The following TLK2 variants were observed in gnomAD, a reference collection of about 807,000 sequenced individuals.
TLK2 encodes the protein tousled like kinase 2.
A neutral mutation model predicts 117.3 loss-of-function variants in TLK2; 6 were observed. The ratio of observed to expected loss-of-function variants is 0.05; its 90% CI spans 0.03 to 0.10. The LOEUF is 0.10. Ranked by LOEUF, TLK2 falls within the 10% of genes least tolerant of loss-of-function variation. TLK2 has a pLI of 1.00. For synonymous variants in TLK2, 257 were observed against 316.7 expected, an observed-to-expected ratio of 0.81 and a Z score of 2.00; for missense variants, 299 against 901.2, an observed-to-expected ratio of 0.33 and a Z score of 8.56.
In TLK2 at chr17:62,490,831, C is replaced by T. The variant is rs542768224; in HGVS notation, c.81+9625C>T. Among the ~76,000 whole-genome samples, 231 of 152,340 alleles carry T rather than the reference C, an allele frequency of 1.5e-3. 1 individual carries two copies. The highest frequency in any genetic ancestry group is 5.4e-3 in the African/African-American group (225 of 41,576). On this transcript the variant is annotated intron_variant, in intron 2 of 21. Coordinates refer to ENST00000346027, the MANE Select transcript of TLK2 (RefSeq NM_006852.6). ...TGCTGGGATTACAGGCATGAGCCAC[C>T]ATGCCTGGCCTAATTTCAAAAATTT...
intron 10 of TLK2, among the ~76,000 whole-genome samples, chr17:62,561,001 C>T (rs1451497507): frequency 2.0e-5 from 3 of 152,128 alleles, no homozygotes; most frequent in African/African-American, 4.8e-5. Context: ...CAACAGGCCC[C>T]GGTGTGTGAT....
intron 21 of TLK2, among the ~76,000 whole-genome samples, chr17:62,610,482 CAT>C (rs1425278652): frequency 1.3e-5 from 2 of 152,266 alleles, no homozygotes; most frequent in Middle Eastern, 3.4e-3. Flanking sequence ...GATGGTGACA[CAT>C]GTTATGAAGA....
chr17:62,590,283 A>C (rs1037989110), intron 16 of TLK2, among the ~76,000 whole-genome samples: 1 of 151,474 alleles, frequency 6.6e-6, no homozygotes, highest in African/African-American at 2.4e-5. Context: ...AATACAAAAA[A>C]AGTTAGCCAG....
At chr17:62,496,577 A>G (rs979724973) in intron 2 of TLK2, among the ~76,000 whole-genome samples, 4 of 152,170 alleles carry the variant, frequency 2.6e-5, no homozygotes, top group African/African-American at 9.7e-5. Flanking sequence ...ACTCTGTGAA[A>G]TGATAGGTAA....
chr17:62,511,129 A>G lies in TLK2; in HGVS notation c.82-9644A>G, dbSNP rs548542639. Among the ~76,000 whole-genome samples, 3 of 152,324 alleles carry G rather than the reference A, an allele frequency of 2.0e-5. No individual in the cohort carries two copies. In the East Asian group the frequency reaches 5.8e-4, roughly 29 times the overall value. Reference sequence around the variant, plus strand: ...ATCCATAGGACTAATTCACATTTCAAGTTATACATGAATCATTTGTGTGTG... The same window carrying G: ...ATCCATAGGACTAATTCACATTTCAGGTTATACATGAATCATTTGTGTGTG... On this transcript the variant is annotated intron_variant, in intron 2 of 21. Transcript: ENST00000346027.
At chr17:62,566,967 C>G (rs1425862473) in intron 11 of TLK2, among the ~76,000 whole-genome samples, 1 of 152,188 alleles carries the variant, frequency 6.6e-6, no homozygotes, top group Non-Finnish European at 1.5e-5. Flanking sequence ...GTGGCTCTTG[C>G]CTGTAATCCC....
At chr17:62,483,881 A>C (rs567718782) in intron 2 of TLK2, among the ~76,000 whole-genome samples, 2 of 152,140 alleles carry the variant, frequency 1.3e-5, no homozygotes, top group East Asian at 3.9e-4. Flanking sequence ...GCTGGAGTGC[A>C]GTAGCACAAT....
intron 2 of TLK2, among the ~76,000 whole-genome samples, chr17:62,492,742 A>G (rs1333187734): frequency 1.3e-5 from 2 of 152,114 alleles, no homozygotes; most frequent in African/African-American, 2.4e-5. Context: ...TACAGGCATG[A>G]GCCACTGCGC....
chr17:62,494,995 G>A (rs56198601), intron 2 of TLK2, among the ~76,000 whole-genome samples: 3 of 152,106 alleles, frequency 2.0e-5, no homozygotes, highest in Admixed American at 6.6e-5. Flanking sequence ...GTGAAACCCC[G>A]TCTTTACTAA....
intron 2 of TLK2, among the ~76,000 whole-genome samples, chr17:62,515,771 C>T (rs2075530736): frequency 6.6e-6 from 1 of 152,108 alleles, no homozygotes; most frequent in Admixed American, 6.5e-5. Context: ...TTCTCCCATT[C>T]CATGGGTTTC....
intron 16 of TLK2, among the ~76,000 whole-genome samples, chr17:62,590,043 G>A (rs1307501370): frequency 2.7e-5 from 4 of 149,864 alleles, no homozygotes; most frequent in Non-Finnish European, 4.4e-5. Context: ...TCCTGACCTC[G>A]TGATCCATCC....
At chr17:62,542,046 G>A (rs1160863731) in intron 7 of TLK2, among the ~76,000 whole-genome samples, 2 of 152,190 alleles carry the variant, frequency 1.3e-5, no homozygotes, top group African/African-American at 4.8e-5. Context: ...GATGTAGAGG[G>A]ATTAGAAAAA....
upstream of TLK2, among the ~76,000 whole-genome samples, chr17:62,474,435 C>T (rs946188453): frequency 1.4e-5 from 2 of 144,194 alleles, no homozygotes; most frequent in Non-Finnish European, 3.0e-5. Context: ...TTTGAGAGGG[C>T]GTCTAGCTCT....
chr17:62,540,054 CTCT>C lies in TLK2; in HGVS notation c.531+3725_531+3727del, dbSNP rs1449333675. Among the ~76,000 whole-genome samples, 7 of 150,722 alleles carry C rather than the reference CTCT, an allele frequency of 4.6e-5. No homozygotes were observed. In the East Asian group the frequency reaches 5.8e-4, roughly 13 times the overall value. On this transcript the variant is annotated intron_variant, in intron 7 of 21. Transcript: ENST00000346027. ...TCTCCTCCTCCTCCTCCTCCTCTTC[CTCT>C]TCTTCTTTCTCCTTTCTTCTTTCTT...
intron 2 of TLK2, among the ~76,000 whole-genome samples, chr17:62,519,976 T>G (rs1315099984): frequency 6.6e-6 from 1 of 152,168 alleles, no homozygotes; most frequent in Admixed American, 6.5e-5. Context: ...CTTGTCACAC[T>G]CTTGCAAGTG....
At chr17:62,549,423 A>AAAAAAAAAAAAAG (rs2078250211) in intron 7 of TLK2, among the ~76,000 whole-genome samples, 1 of 114,778 alleles carries the variant, frequency 8.7e-6, no homozygotes, top group Non-Finnish European at 1.9e-5. Context: ...AAAAAAAAAA[A>AAAAAAAAAAAAAG]AAAAAAAAAA....
chr17:62,475,491 C>T (rs1230639641), upstream of TLK2, among the ~76,000 whole-genome samples: 1 of 152,040 alleles, frequency 6.6e-6, no homozygotes, highest in African/African-American at 2.4e-5. Flanking sequence ...TACAGGTGCC[C>T]ACCACCACGC....
chr17:62,579,027 C>T (rs1396127837), intron 14 of TLK2, among the ~76,000 whole-genome samples: 2 of 152,072 alleles, frequency 1.3e-5, no homozygotes, highest in Non-Finnish European at 2.9e-5. Flanking sequence ...CTCTTAAGTT[C>T]AGTACATTAA....
chr17:62,607,012 C>CT (rs10680028), intron 20 of TLK2, among the ~76,000 whole-genome samples: 44,183 of 123,424 alleles, frequency 0.36, 9,042 homozygotes, highest in African/African-American at 0.48. Context: ...TCTCCTTGGT[C>CT]TTTTTTTTTT....
Sources: allele counts gnomAD v4.1 joint callset (sites outside exome capture counted in the v4.1 genomes callset), GRCh38; gene constraint gnomAD v4.1.1; transcripts MANE v1.5; gene names NCBI Gene and HGNC (gene_info 2026-07-23, HGNC 2026-07-21).